The following RASD1 variants were observed in gnomAD, a reference collection of about 807,000 sequenced individuals.
The protein encoded by RASD1 is dexamethasone-induced Ras-related protein 1.
Under a neutral mutation model 16.7 loss-of-function variants are expected in RASD1, and 13 were observed. That is an observed-to-expected ratio of 0.78 (90% confidence interval 0.51 to 1.24). RASD1 has a LOEUF of 1.24. Among genes scored for constraint, RASD1 ranks in the 50% most tolerant of loss-of-function variants. The probability of loss-of-function intolerance (pLI) is 0.00; values close to 1 mark genes in which losing one functional copy is unlikely to be tolerated. For missense variants in RASD1, 397 were observed against 407.5 expected (o/e 0.97, Z 0.22); for synonymous variants, 170 against 172.6 (o/e 0.98, Z 0.12).
rs1421705351 is a variant in RASD1, at chr17:17,495,320, C to T, written c.651G>A (p.Leu217=). 6.4e-7 allele frequency: 1 copy of T among 1,556,010 alleles called. No individual in the cohort carries two copies. The change falls in exon 2 of 2, where the codon CTG becomes CTA. Residue 217 remains leucine, a synonymous_variant. Transcript: ENST00000225688. ...TCTTGTTCCGCAGCGCCTTCTTGTGCAGCACGTCGCAGTACTGCACCGAGA... is the reference window on the plus strand; with the variant it reads ...TCTTGTTCCGCAGCGCCTTCTTGTGTAGCACGTCGCAGTACTGCACCGAGA... The part of the protein sequence containing the change: ...RKVSVQYCDV[L]HKKALRNKKL...
In RASD1 at chr17:17,496,023, G is replaced by A. The variant is rs1002147296; in HGVS notation, c.159C>T (p.Tyr53=). The change falls in exon 1 of 2, where the codon TAC becomes TAT. Residue 53 remains tyrosine, a synonymous_variant. Transcript: ENST00000225688. ...GGTGGAAGTCCTCGATGGTAGGCGT[G>A]TAGGCGTCCTCGAAGCGGCCGGTGA... ...RFLTGRFEDA[Y]TPTIEDFHRK... 10 of 1,613,978 alleles carry A rather than the reference G, an allele frequency of 6.2e-6. No individual in the cohort carries two copies. In the African/African-American group the frequency reaches 1.3e-4, roughly 22 times the overall value.
At position 17,496,125 on chromosome 17, in the gene RASD1, G is replaced by A; in HGVS notation, c.57C>T (p.Ile19=). 2 of 1,613,866 alleles carry A rather than the reference G, an allele frequency of 1.2e-6. No individual in the cohort carries two copies. The highest frequency in any genetic ancestry group is 1.7e-6 in the Non-Finnish European group (2 of 1,179,860). Residue 19 remains isoleucine, a synonymous_variant, in exon 1 of 2, where the codon ATC becomes ATT. Transcript: ENST00000225688. ...CCATGCGATAGCAGTTCTTGGCCGG[G>A]ATACTCAGCTCCGAGTCGCTCGGGC... is the stretch of plus-strand genomic sequence containing the variant. ...KMCPSDSELS[I]PAKNCYRMVI...
At position 17,495,357 on chromosome 17, in the gene RASD1, A is replaced by G; in HGVS notation, c.614T>C (p.Leu205Pro). ...AKLPSEMSPD[L>P]HRKVSVQYCD... ...GTACTGCACCGAGACCTTGCGGTGC[A>G]GGTCTGGGCTCATCTCGCTGGGCAG... Residue 205 changes from leucine (L) to proline (P), a missense_variant, in exon 2 of 2, where the codon CTG becomes CCG. Physicochemically the swap from Leu to Pro is moderately conservative, Grantham distance 98. Coordinates refer to ENST00000225688, the MANE Select transcript of RASD1 (RefSeq NM_016084.5). 6.3e-7 allele frequency: 1 copy of G among 1,580,986 alleles called. No homozygotes were observed. Among genetic ancestry groups the G allele is most frequent in the African/African-American group, 1.3e-5 (1 of 74,434 alleles).
At position 17,495,674 on chromosome 17, in the gene RASD1, G is replaced by T; in HGVS notation, c.297C>A (p.Phe99Leu). ...GGTTGTCCAGACTGAACACCAGGAT[G>T]AAAACGTCTCCTAGAGGGGGCACAG... ...RRLSILTGDV[F>L]ILVFSLDNRD... Residue 99 changes from phenylalanine to leucine, a missense_variant, in exon 2 of 2, where the codon TTC becomes TTA. By Grantham distance (22) the Phe-to-Leu change is conservative. Transcript: ENST00000225688. The T allele has an allele frequency of 6.2e-7, 1 of 1,609,096 alleles. No individual in the cohort carries two copies. The highest frequency in any genetic ancestry group is 1.1e-5 in the South Asian group (1 of 90,650).
chr17:17,495,724 G>A (rs1349101336), intron 1 of RASD1, 40 bp from the exon 2 acceptor site: 11 of 1,546,792 alleles, frequency 7.1e-6, no homozygotes, highest in African/African-American at 2.7e-5. Flanking sequence ...GAAGGTGAGG[G>A]TGGCCGCCCA....
In RASD1 at chr17:17,494,878, T is replaced by C. The variant is rs756039410; in HGVS notation, c.*247A>G. 9.8e-5 allele frequency: 56 copies of C among 573,948 alleles called. No individual in the cohort carries two copies. The highest frequency in any genetic ancestry group is 1.4e-4 in the Non-Finnish European group (47 of 331,956). 35.6% of individuals were successfully genotyped at this position (573,948 alleles called of 1,614,324 possible). A position where few individuals can be genotyped will look rare whatever the true frequency, so the allele number is the denominator to read the frequency against. On this transcript the variant is annotated 3_prime_UTR_variant, in exon 2 of 2. Transcript: ENST00000225688. ...GGCTGGGCCCTCGCTCCCAAAGTTATGGGGGTGGCGGGCCTCAATGGGGGA... is the reference window on the plus strand; with the variant it reads ...GGCTGGGCCCTCGCTCCCAAAGTTACGGGGGTGGCGGGCCTCAATGGGGGA...
rs1191051523 is a variant in RASD1, at chr17:17,495,072, T to C, written c.*53A>G. The C allele has an allele frequency of 8.8e-6, 14 of 1,588,738 alleles. No individual in the cohort carries two copies. Among genetic ancestry groups the C allele is most frequent in the Middle Eastern group, 4.6e-4 (2 of 4,356 alleles). ...CCTGGGGCGCACCGGGCCGTTGGATTTGACTTAACAAAAAGGTCCTCCTTA... is the reference window on the plus strand; with the variant it reads ...CCTGGGGCGCACCGGGCCGTTGGATCTGACTTAACAAAAAGGTCCTCCTTA... On this transcript the variant is annotated 3_prime_UTR_variant, in exon 2 of 2. Transcript: ENST00000225688.
In RASD1 at chr17:17,496,260, G is replaced by T; in HGVS notation, c.-79C>A. On this transcript the variant is annotated 5_prime_UTR_variant, in exon 1 of 2. Transcript: ENST00000225688. The stretch of plus-strand genomic sequence containing the variant: ...GCTGAGGGTCGCTGGGGTGGCACGC[G>T]GGGTGAGCGGCTGGAGGGCTCTGCT... 1 of 1,437,832 alleles carries T rather than the reference G, an allele frequency of 7.0e-7. No individual in the cohort carries two copies. The highest frequency in any genetic ancestry group is 9.3e-7 in the Non-Finnish European group (1 of 1,077,606). 89.1% of individuals were successfully genotyped at this position (1,437,832 alleles called of 1,614,324 possible). A position where few individuals can be genotyped will look rare whatever the true frequency, so the allele number is the denominator to read the frequency against.
chr17:17,496,343 A>C lies in RASD1; in HGVS notation c.-162T>G, dbSNP rs1469415031. On this transcript the variant is annotated 5_prime_UTR_variant, in exon 1 of 2. Coordinates refer to ENST00000225688, the MANE Select transcript of RASD1 (RefSeq NM_016084.5). Reference sequence around the variant, plus strand: ...GCTCCGCTCGGGCTGGGCTCGGGCTAGGCTGGGCTCGGCTGGGGTTCTCCC... The same window carrying C: ...GCTCCGCTCGGGCTGGGCTCGGGCTCGGCTGGGCTCGGCTGGGGTTCTCCC... 2.3e-5 allele frequency: 17 copies of C among 746,018 alleles called. No individual in the cohort carries two copies. The highest frequency in any genetic ancestry group is 2.8e-5 in the Non-Finnish European group (14 of 492,594). The allele number at this position is 746,018 out of a possible 1,614,324, so 46.2% of individuals were successfully genotyped here.
chr17:17,495,671 G>A lies in RASD1; in HGVS notation c.300C>T (p.Ile100=), dbSNP rs750344164. The change falls in exon 2 of 2, where the codon ATC becomes ATT. Residue 100 remains isoleucine (I), a synonymous_variant. Coordinates refer to ENST00000225688, the MANE Select transcript of RASD1 (RefSeq NM_016084.5). ...RLSILTGDVF[I]LVFSLDNRDS... is the part of the protein sequence containing the mutation. Reference sequence around the variant, plus strand: ...CGCGGTTGTCCAGACTGAACACCAGGATGAAAACGTCTCCTAGAGGGGGCA... The same window carrying A: ...CGCGGTTGTCCAGACTGAACACCAGAATGAAAACGTCTCCTAGAGGGGGCA... 1.2e-6 allele frequency: 2 copies of A among 1,609,464 alleles called. No homozygotes were observed. Among genetic ancestry groups the A allele is most frequent in the Non-Finnish European group, 1.7e-6 (2 of 1,177,700 alleles).
In RASD1 at chr17:17,496,178, T is replaced by G; in HGVS notation, c.4A>C (p.Lys2Gln). ...ATCTTCTTGATCATCGCGGCCAGTT[T>G]CATTGGGCAGAGGGGCCGCGAGGGC... The part of the protein sequence containing the change: M[K>Q]LAAMIKKMCP... Residue 2 changes from lysine (K) to glutamine (Q), a missense_variant, in exon 1 of 2, where the codon AAA becomes CAA. Transcript: ENST00000225688. The G allele has an allele frequency of 6.2e-7, 1 of 1,600,016 alleles. No individual in the cohort carries two copies. The highest frequency in any genetic ancestry group is 8.5e-7 in the Non-Finnish European group (1 of 1,171,138).
rs547774543 is a variant in RASD1 at position 17,494,839 on chromosome 17, A to G, written c.*286T>C. ...CGCTCACTCTTAGGTCTTTGAGAAG[A>G]TAAATCCACCCTCGGCTGGGCCCTC... On this transcript the variant is annotated 3_prime_UTR_variant, in exon 2 of 2. Transcript: ENST00000225688. The G allele has an allele frequency of 1.9e-6, 1 of 529,982 alleles. No homozygotes were observed. Among genetic ancestry groups the G allele is most frequent in the Admixed American group, 3.7e-5 (1 of 27,374 alleles). The allele number at this position is 529,982 out of a possible 1,614,324, so 32.8% of individuals were successfully genotyped here.
chr17:17,494,651 GC>G lies in RASD1; in HGVS notation c.*473del, dbSNP rs921624846. On this transcript the variant is annotated 3_prime_UTR_variant, in exon 2 of 2. Coordinates refer to ENST00000225688, the MANE Select transcript of RASD1 (RefSeq NM_016084.5). ...GTCACTTGGCTATGATTTGACCCAC[GC>G]CCCCCCGCTTAGTTTTGGGAGGGCA... 5.0e-5 allele frequency: 9 copies of G among 180,622 alleles called. No individual in the cohort carries two copies. The highest frequency in any genetic ancestry group is 1.0e-4 in the Non-Finnish European group (9 of 86,994). The allele number at this position is 180,622 out of a possible 1,614,324, so 11.2% of individuals were successfully genotyped here. A position where few individuals can be genotyped will look rare whatever the true frequency, so the allele number is the denominator to read the frequency against.
At position 17,495,353 on chromosome 17, in the gene RASD1, G is replaced by A. The variant is rs1015838471; in HGVS notation, c.618C>T (p.His206=). The A allele has an allele frequency of 2.2e-5, 35 of 1,577,562 alleles. No homozygotes were observed. Among genetic ancestry groups the A allele is most frequent in the African/African-American group, 1.2e-4 (9 of 74,266 alleles). ...CGCAGTACTGCACCGAGACCTTGCG[G>A]TGCAGGTCTGGGCTCATCTCGCTGG... The part of the protein sequence containing the change: ...KLPSEMSPDL[H]RKVSVQYCDV... The change falls in exon 2 of 2, where the codon CAC becomes CAT. Residue 206 remains histidine (H), a synonymous_variant. Transcript: ENST00000225688.
At position 17,495,694 on chromosome 17, in the gene RASD1, G is replaced by C; in HGVS notation, c.287-10C>G. 1 of 1,592,090 alleles carries C rather than the reference G, an allele frequency of 6.3e-7. No homozygotes were observed. Among genetic ancestry groups the C allele is most frequent in the South Asian group, 1.1e-5 (1 of 88,146 alleles). On this transcript the variant is annotated splice_polypyrimidine_tract_variant and intron_variant, in intron 1 of 1. Coordinates refer to ENST00000225688, the MANE Select transcript of RASD1 (RefSeq NM_016084.5). ...AGGATGAAAACGTCTCCTAGAGGGG[G>C]CACAGAGAGCAGAAAAGGAGAAGGT... is the stretch of plus-strand genomic sequence containing the variant.
At position 17,495,551 on chromosome 17, in the gene RASD1, CA is replaced by C; in HGVS notation, c.419del (p.Leu140ArgfsTer62). 1 of 1,612,860 alleles carries C rather than the reference CA, an allele frequency of 6.2e-7. No homozygotes were observed. Among genetic ancestry groups the C allele is most frequent in the Non-Finnish European group, 8.5e-7 (1 of 1,179,862 alleles). ...GGTCACCCTTGTTGCCGCAGATGACCAGGGGCACGTCCACGTTCTCCTTGGT... is the reference window on the plus strand; with the variant it reads ...GGTCACCCTTGTTGCCGCAGATGACCGGGGCACGTCCACGTTCTCCTTGGT... Reference protein sequence around the residue: ...NKTKENVDVPLVICGNKGDRD... With the variant: ...NKTKENVDVPXVICGNKGDRD... On this transcript the variant is annotated frameshift_variant, in exon 2 of 2. Transcript: ENST00000225688. LOFTEE classifies it high-confidence loss of function.
chr17:17,495,024 C>A lies in RASD1; in HGVS notation c.*101G>T, dbSNP rs1465391598. On this transcript the variant is annotated 3_prime_UTR_variant, in exon 2 of 2. Coordinates refer to ENST00000225688, the MANE Select transcript of RASD1 (RefSeq NM_016084.5). ...GGGGGCGGATCGCCGGGAGGGGAGA[C>A]GCCAGTCCGCGCGCGCTCCCGGCCT... The A allele has an allele frequency of 4.2e-6, 6 of 1,444,184 alleles. No homozygotes were observed. The highest frequency in any genetic ancestry group is 5.6e-6 in the Non-Finnish European group (6 of 1,067,978). 89.5% of individuals were successfully genotyped at this position (1,444,184 alleles called of 1,614,324 possible).
rs900096529 is a variant in RASD1, at chr17:17,495,265, C to T, written c.706G>A (p.Gly236Ser). 1.2e-5 allele frequency: 18 copies of T among 1,561,256 alleles called. No individual in the cohort carries two copies. The highest frequency in any genetic ancestry group is 1.9e-5 in the Admixed American group (1 of 51,620). ...CCAAAGGCGTCGCCCGGGTCGCCGC[C>T]GCCGCCGCCGCTGCCGGCCCGCAGC... ...KLLRAGSGGG[G>S]GDPGDAFGIV... The change falls in exon 2 of 2, where the codon GGC (glycine) becomes AGC (serine). Residue 236 changes from glycine (G) to serine (S), a missense_variant. Transcript: ENST00000225688.
chr17:17,495,891 C>G lies in RASD1; in HGVS notation c.286+5G>C. Reference sequence around the variant, plus strand: ...CCTCCCGCACCTGCCCGGCCCCCGGCTCACCTGTGAGGATGGAGAGGCGCC... The same window carrying G: ...CCTCCCGCACCTGCCCGGCCCCCGGGTCACCTGTGAGGATGGAGAGGCGCC... On this transcript the variant is annotated splice_donor_5th_base_variant and intron_variant, in intron 1 of 1. Coordinates refer to ENST00000225688, the MANE Select transcript of RASD1 (RefSeq NM_016084.5). 6 of 1,602,260 alleles carry G rather than the reference C, an allele frequency of 3.7e-6. No homozygotes were observed. In the South Asian group the frequency reaches 5.5e-5, roughly 15 times the overall value.
Sources: allele counts gnomAD v4.1 joint callset, GRCh38; gene constraint gnomAD v4.1.1; transcripts MANE v1.5; gene names NCBI Gene and HGNC (gene_info 2026-07-23, HGNC 2026-07-21).